ACSF2: variants seen among roughly 807,000 people sequenced by gnomAD.
ACSF2 encodes the protein acyl-CoA synthetase family member 2.
Under a neutral mutation model 79.3 loss-of-function variants are expected in ACSF2, and 52 were observed. The ratio of observed to expected loss-of-function variants is 0.66; its 90% CI spans 0.53 to 0.83. The LOEUF (loss-of-function observed/expected upper bound fraction) is 0.83, where lower values mean the gene tolerates loss of function less well. ACSF2 is among the 40% of genes least tolerant of loss of function. The probability of loss-of-function intolerance (pLI) is 0.00; values close to 1 mark genes in which losing one functional copy is unlikely to be tolerated. For synonymous variants in ACSF2, 283 were observed against 312.6 expected (o/e 0.91, Z 1.00); for missense variants, 661 against 803.3 (o/e 0.82, Z 2.14).
intron 6 of ACSF2, 167 bp from the exon 7 acceptor site, chr17:50,462,989 C>T (rs1055096652): frequency 1.1e-5 from 7 of 648,712 alleles, no homozygotes; most frequent in Non-Finnish European, 1.9e-5. Flanking sequence ...CATTGCTGGA[C>T]CCTGACACCT....
At chr17:50,435,935 T>C (rs983823177) in intron 1 of ACSF2, among the ~76,000 whole-genome samples, 1 of 151,640 alleles carries the variant, frequency 6.6e-6, no homozygotes, top group African/African-American at 2.4e-5. Flanking sequence ...AGTGTTTTTT[T>C]TTGTTGTTTG....
chr17:50,468,950 C>A (rs893692992), intron 10 of ACSF2: 58 of 1,403,322 alleles, frequency 4.1e-5, no homozygotes, highest in Non-Finnish European at 5.3e-5. Context: ...CCAGCTCCTA[C>A]GTGGAGCATC....
rs1363084328 is a variant in ACSF2 at position 50,426,266 on chromosome 17, C to T, written c.5C>T (p.Ala2Val). ...GGACGCAGGGCAAAGCGAGCCATGG[C>T]TGTCTACGTCGGGATGCTGCGCCTG... M[A>V]VYVGMLRLGR... Residue 2 changes from alanine (A) to valine (V), a missense_variant, in exon 1 of 16, where the codon GCT (alanine) becomes GTT (valine). Transcript: ENST00000300441. 2 of 1,381,478 alleles carry T rather than the reference C, an allele frequency of 1.4e-6. No individual in the cohort carries two copies. Among genetic ancestry groups the T allele is most frequent in the Admixed American group, 3.0e-5 (1 of 33,578 alleles). 85.6% of individuals were successfully genotyped at this position (1,381,478 alleles called of 1,614,324 possible). A position where few individuals can be genotyped will look rare whatever the true frequency, so the allele number is the denominator to read the frequency against.
chr17:50,454,008 A>C (rs960862643), intron 1 of ACSF2, among the ~76,000 whole-genome samples: 1 of 151,976 alleles, frequency 6.6e-6, no homozygotes, highest in Non-Finnish European at 1.5e-5. Flanking sequence ...TACAAAACAT[A>C]CAAAAAAATA....
chr17:50,431,663 T>A (rs1194409156), intron 1 of ACSF2, among the ~76,000 whole-genome samples: 1 of 152,120 alleles, frequency 6.6e-6, no homozygotes, highest in Admixed American at 6.6e-5. Flanking sequence ...CCCAGATCAT[T>A]TTAAAATTTT....
Position 50,471,189 on chromosome 17 carries a change from G to A in ACSF2, c.1323+54G>A, listed in dbSNP as rs2033103336. 3 of 1,479,720 alleles carry A rather than the reference G, an allele frequency of 2.0e-6. No homozygotes were observed. In the Admixed American group the frequency reaches 5.1e-5, roughly 25 times the overall value. The allele number at this position is 1,479,720 out of a possible 1,614,324, so 91.7% of individuals were successfully genotyped here. A position where few individuals can be genotyped will look rare whatever the true frequency, so the allele number is the denominator to read the frequency against. On this transcript the variant is annotated intron_variant, in intron 11 of 15. Transcript: ENST00000300441. The surrounding 1 kb of genome is among the most constrained non-coding windows in gnomAD (Gnocchi z 4.1). ...CCACCTCCCGTCACCCAGCTGGGGT[G>A]CACCCAGCTGGGACATCGGTTGCTT...
At chr17:50,448,295 A>G (rs7217948) in intron 1 of ACSF2, among the ~76,000 whole-genome samples, 89,740 of 152,082 alleles carry the variant, frequency 0.59, 27,535 homozygotes, top group African/African-American at 0.74. Context: ...CAATATTACA[A>G]TATAATCTTA....
chr17:50,456,160 T>C (rs148884284), intron 1 of ACSF2, among the ~76,000 whole-genome samples: 8 of 152,316 alleles, frequency 5.3e-5, no homozygotes, highest in East Asian at 1.9e-4. Flanking sequence ...TAGAAATGCC[T>C]GACACGCCCC....
intron 1 of ACSF2, among the ~76,000 whole-genome samples, chr17:50,459,696 G>A (rs953041505): frequency 2.0e-5 from 3 of 152,130 alleles, no homozygotes; most frequent in Non-Finnish European, 4.4e-5. Flanking sequence ...AAAGGCCGAT[G>A]GAGAAAACTG....
At position 50,463,951 on chromosome 17, in the gene ACSF2, G is replaced by T. The variant is rs184135677; in HGVS notation, c.1138+42G>T. On this transcript the variant is annotated intron_variant, in intron 9 of 15. Coordinates refer to ENST00000300441, the MANE Select transcript of ACSF2 (RefSeq NM_025149.6). This position sits in a 1 kb window ranked among gnomAD's most constrained non-coding sequence, Gnocchi z 4.6. ...GGCAGCCAGGCTTGGGGAGGGGGCT[G>T]CTTCCCCCACAGGAATGGCCCGGGT... is the stretch of plus-strand genomic sequence containing the variant. 1 of 1,583,996 alleles carries T rather than the reference G, an allele frequency of 6.3e-7. No homozygotes were observed. Among genetic ancestry groups the T allele is most frequent in the African/African-American group, 1.4e-5 (1 of 74,034 alleles).
At position 50,426,388 on chromosome 17, in the gene ACSF2, A is replaced by C; in HGVS notation, c.127A>C (p.Ser43Arg). Reference protein sequence around the residue: ...EARLQGVRFLSSREVDRMVST... With the variant: ...EARLQGVRFLRSREVDRMVST... ...CAGGTTGCAGGGTGTCCGCTTCCTCAGGTACTGGCCCCCCGCGGGAAGAGA... is the reference window on the plus strand; with the variant it reads ...CAGGTTGCAGGGTGTCCGCTTCCTCCGGTACTGGCCCCCCGCGGGAAGAGA... The change falls in exon 1 of 16, where the codon AGT becomes CGT. Residue 43 changes from serine (S) to arginine (R), a missense_variant and splice_region_variant. Transcript: ENST00000300441. The C allele has an allele frequency of 7.4e-7, 1 of 1,351,660 alleles. No individual in the cohort carries two copies. Among genetic ancestry groups the C allele is most frequent in the Non-Finnish European group, 9.6e-7 (1 of 1,044,912 alleles). The allele number at this position is 1,351,660 out of a possible 1,614,324, so 83.7% of individuals were successfully genotyped here.
intron 1 of ACSF2, among the ~76,000 whole-genome samples, chr17:50,452,954 G>A (rs1276177967): frequency 6.6e-6 from 1 of 152,130 alleles, no homozygotes; most frequent in Non-Finnish European, 1.5e-5. Context: ...ATAAAATTGA[G>A]GTTATATTAT....
At chr17:50,442,299 C>A (rs777773601) in intron 1 of ACSF2, among the ~76,000 whole-genome samples, 4 of 149,904 alleles carry the variant, frequency 2.7e-5, no homozygotes. Context: ...GAGTGAAACT[C>A]CATCCCAAAA....
intron 1 of ACSF2, chr17:50,427,040 T>C: frequency 6.6e-7 from 1 of 1,505,552 alleles, no homozygotes; most frequent in Non-Finnish European, 8.9e-7. Context: ...AGATGGCAAA[T>C]GTGAAAGTGC....
rs963830969 is a variant in ACSF2 at position 50,463,211 on chromosome 17, A to G, written c.848A>G (p.Asn283Ser). The change falls in exon 7 of 16, where the codon AAC becomes AGC. Residue 283 changes from asparagine to serine, a missense_variant. Physicochemically the swap from Asn to Ser is conservative, Grantham distance 46. Coordinates refer to ENST00000300441, the MANE Select transcript of ACSF2 (RefSeq NM_025149.6). The surrounding 1 kb of genome is among the most constrained non-coding windows in gnomAD (Gnocchi z 4.6). ...CTCTCCCACTACAACATTGTCAACA[A>G]CTCCAACATTTTAGGAGAGCGCCTG... ...ATLSHYNIVNNSNILGERLKL... is the reference protein window; with the variant it reads ...ATLSHYNIVNSSNILGERLKL... 6.2e-7 allele frequency: 1 copy of G among 1,613,916 alleles called. No individual in the cohort carries two copies. Among genetic ancestry groups the G allele is most frequent in the Non-Finnish European group, 8.5e-7 (1 of 1,180,004 alleles).
rs753399850 is a variant in ACSF2 at position 50,472,412 on chromosome 17, G to A, written c.1324-16G>A. ...AAGAGGATAGGAAGCCCCAACCTGAGGCCATCCTGTCCCAGGCCCGGATCA... is the reference window on the plus strand; with the variant it reads ...AAGAGGATAGGAAGCCCCAACCTGAAGCCATCCTGTCCCAGGCCCGGATCA... On this transcript the variant is annotated splice_polypyrimidine_tract_variant and intron_variant, in intron 11 of 15. Transcript: ENST00000300441. 8 of 1,606,986 alleles carry A rather than the reference G, an allele frequency of 5.0e-6. No individual in the cohort carries two copies. Among genetic ancestry groups the A allele is most frequent in the Non-Finnish European group, 1.7e-6 (2 of 1,177,126 alleles).
At chr17:50,468,750 C>T in intron 10 of ACSF2, 1 of 1,598,358 alleles carries the variant, frequency 6.3e-7, no homozygotes, top group East Asian at 2.3e-5. Context: ...TGGGGGCAGG[C>T]GGCCAGCGCC....
chr17:50,462,651 C>G, intron 6 of ACSF2, 66 bp downstream of exon 6: 1 of 1,558,146 alleles, frequency 6.4e-7, no homozygotes, highest in African/African-American at 1.4e-5. Context: ...GTGACACTTC[C>G]GCGGGGATGG....
intron 1 of ACSF2, among the ~76,000 whole-genome samples, chr17:50,428,309 G>A (rs1192638823): frequency 2.0e-5 from 3 of 151,810 alleles, no homozygotes; most frequent in Non-Finnish European, 2.9e-5. Flanking sequence ...GTGAAACCCC[G>A]TTTCTACTAA....
Sources: allele counts gnomAD v4.1 joint callset (sites outside exome capture counted in the v4.1 genomes callset), GRCh38; gene constraint gnomAD v4.1.1; non-coding constraint Gnocchi (gnomAD v3.1); transcripts MANE v1.5; gene names NCBI Gene and HGNC (gene_info 2026-07-23, HGNC 2026-07-21).